Variants in NRF1 observed in about 807,000 individuals in gnomAD.
The protein encoded by NRF1 is alpha palindromic-binding protein.
Under a neutral mutation model 58.5 loss-of-function variants are expected in NRF1, and 5 were observed. The ratio of observed to expected loss-of-function variants is 0.09; its 90% confidence interval spans 0.04 to 0.18. The LOEUF is 0.18. Ranked by LOEUF, NRF1 falls within the 10% of genes least tolerant of loss-of-function variation. The pLI, the probability that NRF1 is intolerant of heterozygous loss-of-function variation, is 1.00. For synonymous variants in NRF1, 224 were observed against 246.7 expected (o/e 0.91, Z 0.86); for missense variants, 288 against 657.7 (o/e 0.44, Z 6.15).
chr7:129,672,584 G>A (rs146167563), intron 3 of NRF1, among the ~76,000 whole-genome samples: 74 of 152,306 alleles, frequency 4.9e-4, no homozygotes, highest in African/African-American at 1.6e-3. Context: ...CAGCATCATG[G>A]ATAGTAAGAA....
chr7:129,753,713 G>A (rs373460921), intron 10 of NRF1, among the ~76,000 whole-genome samples: 13 of 102,374 alleles, frequency 1.3e-4, no homozygotes, highest in African/African-American at 4.5e-4. Context: ...TGATATTAGG[G>A]AGTAGCTGGG....
At chr7:129,712,448 A>G (rs1803094604) in intron 8 of NRF1, among the ~76,000 whole-genome samples, 1 of 152,234 alleles carries the variant, frequency 6.6e-6, no homozygotes, top group African/African-American at 2.4e-5. Flanking sequence ...ATTTCCCCTT[A>G]GAACACCACA....
chr7:129,687,331 A>G (rs867600776), intron 4 of NRF1, among the ~76,000 whole-genome samples: 5 of 151,382 alleles, frequency 3.3e-5, no homozygotes, highest in Middle Eastern at 3.4e-3. Context: ...CTGGAGTACA[A>G]TGGTGCAAAT....
chr7:129,718,810 C>T (rs1244376542), intron 9 of NRF1, among the ~76,000 whole-genome samples: 1 of 152,268 alleles, frequency 6.6e-6, no homozygotes, highest in Admixed American at 6.5e-5. Context: ...CACATAGATT[C>T]AGGTTTGAAT....
chr7:129,661,968 A>T lies in NRF1; in HGVS notation c.223+4394A>T, dbSNP rs557071111. Among the ~76,000 whole-genome samples the T allele has an allele frequency of 5.3e-5, 8 of 150,946 alleles. 1 individual carries two copies. The highest frequency in any genetic ancestry group is 2.0e-4 in the African/African-American group (8 of 40,256). On this transcript the variant is annotated intron_variant, in intron 2 of 10. Coordinates refer to ENST00000393232, the MANE Select transcript of NRF1 (RefSeq NM_005011.5). ...TGGGGAGGCCTCACAACCATGGCAG[A>T]AGGCAAGGAGGAGCAAGTCATGTCT...
chr7:129,738,656 C>G (rs957478628), intron 10 of NRF1, among the ~76,000 whole-genome samples: 1 of 152,058 alleles, frequency 6.6e-6, no homozygotes, highest in Non-Finnish European at 1.5e-5. Context: ...TGTTTTTTTA[C>G]TACTGCTACA....
At chr7:129,742,411 G>A (rs1253137419) in intron 10 of NRF1, among the ~76,000 whole-genome samples, 2 of 152,068 alleles carry the variant, frequency 1.3e-5, no homozygotes, top group African/African-American at 4.8e-5. Context: ...TATCAGATTG[G>A]CTCGCTAGAG....
intron 10 of NRF1, among the ~76,000 whole-genome samples, chr7:129,738,818 A>T (rs908002528): frequency 6.6e-6 from 1 of 152,176 alleles, no homozygotes; most frequent in African/African-American, 2.4e-5. Context: ...GTCAGCTCTT[A>T]AATAGTAAGA....
At chr7:129,689,564 T>A (rs1054099229) in intron 4 of NRF1, among the ~76,000 whole-genome samples, 3 of 152,236 alleles carry the variant, frequency 2.0e-5, no homozygotes, top group African/African-American at 7.2e-5. Flanking sequence ...GGCATTCAGA[T>A]GAACCCATTA....
In NRF1 at chr7:129,624,400, T is replaced by A. The variant is rs1397414532; in HGVS notation, c.-7+12576T>A. ...CTGAGACATAGCAAGCAGTATTTAT[T>A]TGAATGATTGTAGAAACCTGGCGAA... On this transcript the variant is annotated intron_variant, in intron 1 of 10. Transcript: ENST00000393232. 2.6e-5 allele frequency among the ~76,000 whole-genome samples: 4 copies of A among 152,336 alleles called. No homozygotes were observed. The South Asian group carries it at 8.3e-4, about 32-fold the overall frequency.
intron 1 of NRF1, among the ~76,000 whole-genome samples, chr7:129,625,194 C>T (rs902540865): frequency 1.3e-5 from 2 of 152,110 alleles, no homozygotes; most frequent in African/African-American, 4.8e-5. Context: ...GTCTCCTCTC[C>T]GTGTAATCTC....
chr7:129,717,465 G>A (rs531109667), intron 9 of NRF1, 89 bp downstream of exon 9: 9 of 1,379,394 alleles, frequency 6.5e-6, no homozygotes, highest in Admixed American at 5.4e-5. Context: ...ATGTGTCTCT[G>A]TTTGCCACAG....
chr7:129,692,383 T>G (rs1802590682), intron 5 of NRF1, among the ~76,000 whole-genome samples: 1 of 152,004 alleles, frequency 6.6e-6, no homozygotes, highest in Admixed American at 6.6e-5. Context: ...TTTTTTTGTC[T>G]CTACAAAAAA....
intron 1 of NRF1, among the ~76,000 whole-genome samples, chr7:129,643,261 G>A (rs1048631570): frequency 1.3e-5 from 2 of 152,162 alleles, no homozygotes; most frequent in South Asian, 4.1e-4. Context: ...TTAACTGGCT[G>A]TTGGTTGTGT....
At chr7:129,673,606 A>G (rs1265585501) in intron 3 of NRF1, among the ~76,000 whole-genome samples, 2 of 150,210 alleles carry the variant, frequency 1.3e-5, no homozygotes, top group Non-Finnish European at 3.0e-5. Flanking sequence ...AGTCCCAGCT[A>G]CTCGGGAGGC....
In NRF1 at chr7:129,673,145, A is replaced by G. The variant is rs139288437; in HGVS notation, c.338+1602A>G. Among the ~76,000 whole-genome samples, 282 of 152,292 alleles carry G rather than the reference A, an allele frequency of 1.9e-3. 2 individuals are homozygous for G. The highest frequency in any genetic ancestry group is 6.3e-3 in the African/African-American group (262 of 41,556). ...GGGTTGAAAAAGATGCCAACTGACT[A>G]TTAGATTTAGTAACATGGAGTTCAT... On this transcript the variant is annotated intron_variant, in intron 3 of 10. Coordinates refer to ENST00000393232, the MANE Select transcript of NRF1 (RefSeq NM_005011.5).
At chr7:129,624,184 T>C (rs1042894133) in intron 1 of NRF1, among the ~76,000 whole-genome samples, 10 of 152,234 alleles carry the variant, frequency 6.6e-5, no homozygotes, top group Admixed American at 6.5e-4. Context: ...ATCAGGTCTC[T>C]GCTCAAACAT....
At chr7:129,691,695 C>G (rs1209791447) in intron 5 of NRF1, among the ~76,000 whole-genome samples, 1 of 152,134 alleles carries the variant, frequency 6.6e-6, no homozygotes. Flanking sequence ...CTTGCTAAAT[C>G]CACTTGTCAG....
At chr7:129,710,608 G>T in intron 7 of NRF1, 37 bp downstream of exon 7, 2 of 1,089,330 alleles carry the variant, frequency 1.8e-6, no homozygotes, top group South Asian at 2.5e-5. Context: ...TGTGGCTTCT[G>T]AGATGGATCA....
Sources: gnomAD v4.1 joint callset for allele counts (sites outside exome capture counted in the v4.1 genomes callset) on GRCh38, gnomAD v4.1.1 for gene constraint, MANE v1.5 for transcripts, NCBI Gene and HGNC (gene_info 2026-07-23, HGNC 2026-07-21) for gene names.